Variants in ANK2 observed in about 807,000 individuals in gnomAD.
ANK2 encodes ankyrin 2.
A neutral mutation model predicts 360.5 loss-of-function variants in ANK2; 83 were observed. The observed-to-expected ratio is 0.23, with a 90% CI of 0.19 to 0.28. The LOEUF (loss-of-function observed/expected upper bound fraction) is 0.28. Ranked by LOEUF, ANK2 falls within the 10% of genes least tolerant of loss-of-function variation. ANK2 has a pLI of 1.00. For missense variants in ANK2, 4,201 were observed against 4,795.7 expected (o/e 0.88, Z 3.66); for synonymous variants, 1,740 against 1,759.5 (o/e 0.99, Z 0.28).
intron 24 of ANK2, among the ~76,000 whole-genome samples, chr4:113,316,438 T>G (rs2083020655): frequency 6.6e-6 from 1 of 152,226 alleles, no homozygotes; most frequent in African/African-American, 2.4e-5. Flanking sequence ...TGTTGACACC[T>G]CATAGATATG....
At chr4:113,190,970 A>C (rs1481552295) in intron 2 of ANK2, among the ~76,000 whole-genome samples, 5 of 152,206 alleles carry the variant, frequency 3.3e-5, no homozygotes, top group African/African-American at 1.2e-4. Context: ...CTACTAAAGA[A>C]ATAATTTACC....
intron 1 of ANK2, among the ~76,000 whole-genome samples, chr4:113,079,149 T>A (rs986185586): frequency 5.9e-5 from 9 of 152,200 alleles, no homozygotes; most frequent in African/African-American, 1.9e-4. Context: ...TATATTTAAG[T>A]AGAATTATGA....
At position 113,336,647 on chromosome 4, in the gene ANK2, C is replaced by G. The variant is rs1057522525; in HGVS notation, c.3662C>G (p.Thr1221Ser). Residue 1221 changes from threonine (T) to serine (S), a missense_variant, in exon 31 of 46, where the codon ACT becomes AGT. Thr to Ser is a moderately conservative substitution (Grantham distance 58). This residue lies in a region of ANK2 where 1,268 missense variants were observed against 1,650.8 expected (regional missense o/e 0.77). Coordinates refer to ENST00000357077, the MANE Select transcript of ANK2 (RefSeq NM_001148.6). Reference protein sequence around the residue: ...GNKATFSPIVTLEPRRRKFHK... With the variant: ...GNKATFSPIVSLEPRRRKFHK... ...AAAGCTACCTTCAGCCCTATAGTCACTTTGGAACCTAGAAGAAGAAAATTC... is the reference window on the plus strand; with the variant it reads ...AAAGCTACCTTCAGCCCTATAGTCAGTTTGGAACCTAGAAGAAGAAAATTC... The G allele has an allele frequency of 6.2e-7, 1 of 1,614,136 alleles. No individual in the cohort carries two copies. The highest frequency in any genetic ancestry group is 2.2e-5 in the East Asian group (1 of 44,866).
intron 4 of ANK2, among the ~76,000 whole-genome samples, chr4:113,225,179 C>T (rs2099201699): frequency 6.6e-6 from 1 of 152,144 alleles, no homozygotes; most frequent in South Asian, 2.1e-4. Context: ...CTAATGTTCT[C>T]TCTGATCTGT....
intron 1 of ANK2, among the ~76,000 whole-genome samples, chr4:112,871,352 A>AT (rs1223343400): frequency 6.6e-6 from 1 of 151,986 alleles, no homozygotes; most frequent in Non-Finnish European, 1.5e-5. Context: ...TGCCCAGATA[A>AT]TTTTTTGTAT....
chr4:113,278,315 ATT>A, intron 16 of ANK2, 143 bp from the exon 17 acceptor site: 1 of 730,156 alleles, frequency 1.4e-6, no homozygotes, highest in Non-Finnish European at 2.4e-6. Flanking sequence ...ATTATTAGGG[ATT>A]TGTTTATTTT....
Position 113,049,820 on chromosome 4 carries a change from G to A in ANK2, c.84+8G>A, listed in dbSNP as rs766430801. 4.3e-6 allele frequency: 7 copies of A among 1,613,360 alleles called. No individual in the cohort carries two copies. Among genetic ancestry groups the A allele is most frequent in the Admixed American group, 3.3e-5 (2 of 59,982 alleles). On this transcript the variant is annotated splice_region_variant and intron_variant, in intron 1 of 45. Coordinates refer to ENST00000357077, the MANE Select transcript of ANK2 (RefSeq NM_001148.6). ...AGAAAAAGACCCAAGAAGGTAAATC[G>A]CCGGAATTAGGAATGTCTGTGTATA...
chr4:112,772,726 C>A, the ANK2 span, among the ~76,000 whole-genome samples: 1 of 152,124 alleles, frequency 6.6e-6, no homozygotes, highest in Non-Finnish European at 1.5e-5. Flanking sequence ...GCTGTTGAGT[C>A]CCTTTGGTAC....
intron 14 of ANK2, among the ~76,000 whole-genome samples, chr4:113,270,944 C>T (rs999970228): frequency 6.6e-6 from 1 of 152,156 alleles, no homozygotes; most frequent in Admixed American, 6.6e-5. Context: ...AACATTTGAA[C>T]AGTGCTTTAG....
chr4:113,167,088 A>G (rs1457189052), intron 1 of ANK2, among the ~76,000 whole-genome samples: 2 of 152,208 alleles, frequency 1.3e-5, no homozygotes, highest in African/African-American at 4.8e-5. Context: ...CATTAAAAAT[A>G]TCACATAATA....
chr4:112,892,445 T>A (rs1217875508), intron 1 of ANK2, among the ~76,000 whole-genome samples: 1 of 152,240 alleles, frequency 6.6e-6, no homozygotes, highest in East Asian at 1.9e-4. Flanking sequence ...CATGTGTGTG[T>A]ATGCATGTAT....
chr4:113,243,900 A>G (rs1253452367), intron 9 of ANK2, among the ~76,000 whole-genome samples: 1 of 152,198 alleles, frequency 6.6e-6, no homozygotes, highest in Non-Finnish European at 1.5e-5. Context: ...TTAAGGATGC[A>G]CATTGCTTTT....
the ANK2 span, among the ~76,000 whole-genome samples, chr4:112,781,559 T>A: frequency 6.6e-6 from 1 of 152,158 alleles, no homozygotes; most frequent in Non-Finnish European, 1.5e-5. Flanking sequence ...TTATTAATAC[T>A]ATGAAAGAGA....
chr4:113,024,894 A>C (rs1056644293), intron 2 of ANK2, among the ~76,000 whole-genome samples: 2 of 152,160 alleles, frequency 1.3e-5, no homozygotes, highest in Non-Finnish European at 2.9e-5. Flanking sequence ...CTTTTAGATA[A>C]ATAAAAAGAA....
At chr4:112,912,906 A>C (rs2088185313) in intron 2 of ANK2, among the ~76,000 whole-genome samples, 1 of 152,118 alleles carries the variant, frequency 6.6e-6, no homozygotes, top group Non-Finnish European at 1.5e-5. Flanking sequence ...AAATGACTAC[A>C]TCTAGGAAGA....
intron 33 of ANK2, 65 bp downstream of exon 33, chr4:113,341,981 A>G: frequency 3.1e-6 from 4 of 1,310,200 alleles, no homozygotes; most frequent in Non-Finnish European, 3.2e-6. Flanking sequence ...AATAGATTAC[A>G]TTTCAAATAT....
At chr4:112,832,335 G>A (rs2059975612) in intron 1 of ANK2, among the ~76,000 whole-genome samples, 1 of 152,192 alleles carries the variant, frequency 6.6e-6, no homozygotes, top group Non-Finnish European at 1.5e-5. Context: ...TTACAGGCAT[G>A]AGCCACAGTA....
Position 113,278,570 on chromosome 4 carries a change from A to C in ANK2, c.1881+12A>C, listed in dbSNP as rs763612449. 1.8e-4 allele frequency: 291 copies of C among 1,612,430 alleles called. No individual in the cohort carries two copies. The highest frequency in any genetic ancestry group is 2.2e-4 in the Non-Finnish European group (263 of 1,178,612). ...ATGCCACTGCCAAGGTGAGGACCAC[A>C]GAAAAGGATTTACAGGCATAGGGTG... On this transcript the variant is annotated intron_variant, in intron 17 of 45. Coordinates refer to ENST00000357077, the MANE Select transcript of ANK2 (RefSeq NM_001148.6).
intron 2 of ANK2, among the ~76,000 whole-genome samples, chr4:112,905,526 C>T (rs530062481): frequency 1.3e-5 from 2 of 152,234 alleles, no homozygotes; most frequent in Admixed American, 1.3e-4. Flanking sequence ...AAAATTTTAT[C>T]CTCTTTGAAT....
Sources: allele counts gnomAD v4.1 joint callset (sites outside exome capture counted in the v4.1 genomes callset), GRCh38; gene constraint gnomAD v4.1.1; regional missense constraint gnomAD v4.1.1; transcripts MANE v1.5; gene names NCBI Gene and HGNC (gene_info 2026-07-23, HGNC 2026-07-21).